Variants in MTHFD1L observed in about 807,000 individuals in gnomAD.
MTHFD1L encodes monofunctional C1-tetrahydrofolate synthase, mitochondrial.
In MTHFD1L, 81 loss-of-function variants were observed where a neutral mutation model predicts 119.5. The observed-to-expected ratio is 0.68, with a 90% confidence interval of 0.57 to 0.82. The LOEUF is 0.82. MTHFD1L is among the 40% of genes least tolerant of loss of function. The pLI is 0.00. For synonymous variants in MTHFD1L, 430 were observed against 475.2 expected (o/e 0.90, Z 1.24); for missense variants, 1,125 against 1,253.4 (o/e 0.90, Z 1.55).
At chr6:151,066,525 G>A (rs901859962) in intron 26 of MTHFD1L, among the ~76,000 whole-genome samples, 1 of 151,666 alleles carries the variant, frequency 6.6e-6, no homozygotes, top group Middle Eastern at 3.4e-3. Flanking sequence ...CAGCACTTTG[G>A]GAGGCCGAGG....
intron 26 of MTHFD1L, among the ~76,000 whole-genome samples, chr6:151,040,272 C>G (rs1438454052): frequency 6.6e-6 from 1 of 152,184 alleles, no homozygotes; most frequent in Non-Finnish European, 1.5e-5. Flanking sequence ...TACAGGGAGC[C>G]CCAACTTTAA....
At chr6:151,003,171 A>T (rs1383805290) in intron 20 of MTHFD1L, among the ~76,000 whole-genome samples, 1 of 152,220 alleles carries the variant, frequency 6.6e-6, no homozygotes, top group Non-Finnish European at 1.5e-5. Context: ...CAGGTAAATA[A>T]GCACAATTTT....
chr6:151,046,503 A>T (rs1340506897), intron 26 of MTHFD1L, among the ~76,000 whole-genome samples: 1 of 130,854 alleles, frequency 7.6e-6, no homozygotes, highest in Non-Finnish European at 1.6e-5. Context: ...ATATATATAT[A>T]TATATATATA....
intron 26 of MTHFD1L, among the ~76,000 whole-genome samples, chr6:151,067,317 C>A (rs1020135858): frequency 6.6e-6 from 1 of 151,810 alleles, no homozygotes; most frequent in African/African-American, 2.4e-5. Context: ...GTTATTTAAT[C>A]TTTTTATTTA....
chr6:150,983,388 T>C (rs967922975), intron 20 of MTHFD1L, among the ~76,000 whole-genome samples: 4 of 152,190 alleles, frequency 2.6e-5, no homozygotes, highest in Non-Finnish European at 5.9e-5. Context: ...GGTGTCTTTT[T>C]TCCTTAACTC....
At chr6:150,915,245 T>C (rs556290937) in intron 8 of MTHFD1L, among the ~76,000 whole-genome samples, 1 of 152,132 alleles carries the variant, frequency 6.6e-6, no homozygotes, top group South Asian at 2.1e-4. Context: ...AAACACGAAA[T>C]TTTTTTTGCA....
At chr6:151,082,601 C>A (rs1198845778) in intron 26 of MTHFD1L, among the ~76,000 whole-genome samples, 2 of 151,822 alleles carry the variant, frequency 1.3e-5, no homozygotes, top group Admixed American at 6.6e-5. Context: ...TTTAAGCTAT[C>A]TTTTCCTATT....
At chr6:150,909,930 C>T (rs943592344) in intron 8 of MTHFD1L, among the ~76,000 whole-genome samples, 1 of 152,084 alleles carries the variant, frequency 6.6e-6, no homozygotes, top group Admixed American at 6.5e-5. Context: ...CCTGTAATCC[C>T]AGCACTTTGG....
At chr6:150,917,502 A>T (rs1049298474) in intron 8 of MTHFD1L, among the ~76,000 whole-genome samples, 2 of 150,816 alleles carry the variant, frequency 1.3e-5, no homozygotes, top group African/African-American at 2.4e-5. Flanking sequence ...AAATAAAAAA[A>T]AAAAATTTTT....
At chr6:151,009,195 A>G (rs1781861919) in intron 20 of MTHFD1L, among the ~76,000 whole-genome samples, 1 of 151,768 alleles carries the variant, frequency 6.6e-6, no homozygotes. Context: ...TTTTGAAACA[A>G]TTTGGAACCT....
intron 8 of MTHFD1L, 38 bp from the exon 9 acceptor site, chr6:150,918,539 G>C: frequency 7.4e-7 from 1 of 1,360,286 alleles, no homozygotes; most frequent in Non-Finnish European, 1.1e-6. Context: ...AAATGACAGT[G>C]TACTGAAAGT....
At chr6:150,965,125 AGAG>A in intron 19 of MTHFD1L, 88 bp downstream of exon 19, 1 of 1,141,622 alleles carries the variant, frequency 8.8e-7, no homozygotes, top group East Asian at 2.4e-5. Context: ...AGGCAGGCAT[AGAG>A]CATGCCTGGG....
chr6:151,094,790 C>T (rs1186834509), intron 27 of MTHFD1L, among the ~76,000 whole-genome samples: 46 of 151,030 alleles, frequency 3.0e-4, no homozygotes, highest in Non-Finnish European at 7.4e-5. Flanking sequence ...GTGATCCACC[C>T]GCCTCAGCCT....
At chr6:150,943,964 G>A (rs1294166756) in intron 13 of MTHFD1L, among the ~76,000 whole-genome samples, 5 of 152,046 alleles carry the variant, frequency 3.3e-5, no homozygotes, top group South Asian at 2.1e-4. Flanking sequence ...ATGAATAAAC[G>A]TAGTGAGTGA....
intron 26 of MTHFD1L, among the ~76,000 whole-genome samples, chr6:151,070,282 T>A (rs1791817154): frequency 6.6e-6 from 1 of 152,232 alleles, no homozygotes; most frequent in Admixed American, 6.5e-5. Flanking sequence ...TTACTCTCCC[T>A]TAGAAGTCCC....
chr6:150,910,315 G>A (rs577404621), intron 8 of MTHFD1L, among the ~76,000 whole-genome samples: 17 of 152,190 alleles, frequency 1.1e-4, no homozygotes, highest in Non-Finnish European at 1.5e-4. Context: ...TGTAATCCTA[G>A]CACTTTGGGA....
intron 20 of MTHFD1L, among the ~76,000 whole-genome samples, chr6:150,981,569 AC>A: frequency 6.6e-6 from 1 of 152,304 alleles, no homozygotes. Context: ...AGGTCACTGC[AC>A]TTTTTCTGTA....
chr6:150,908,609 A>G (rs954539137), intron 8 of MTHFD1L, among the ~76,000 whole-genome samples: 7 of 151,208 alleles, frequency 4.6e-5, no homozygotes, highest in Non-Finnish European at 1.0e-4. Context: ...CCTGGATGAC[A>G]AGAGCTTTTT....
In MTHFD1L at chr6:150,905,709, T is replaced by G. The variant is rs773851182; in HGVS notation, c.840T>G (p.Thr280=). ...CTAAGCCAGAAGAGATTCCCCTTACTTGGATACAACCAGGAACTACTGTTC... is the reference window on the plus strand; with the variant it reads ...CTAAGCCAGAAGAGATTCCCCTTACGTGGATACAACCAGGAACTACTGTTC... The part of the protein sequence containing the change: ...GSPKPEEIPL[T]WIQPGTTVLN... Residue 280 remains threonine, a synonymous_variant, in exon 8 of 28, where the codon ACT becomes ACG. Transcript: ENST00000367321. 1.9e-6 allele frequency: 3 copies of G among 1,614,056 alleles called. No individual in the cohort carries two copies. The highest frequency in any genetic ancestry group is 1.1e-5 in the South Asian group (1 of 91,088).
Sources: allele counts gnomAD v4.1 joint callset (sites outside exome capture counted in the v4.1 genomes callset), GRCh38; gene constraint gnomAD v4.1.1; transcripts MANE v1.5; gene names NCBI Gene and HGNC (gene_info 2026-07-23, HGNC 2026-07-21).